Variants in LRRC72 observed in about 807,000 individuals in gnomAD.
LRRC72 encodes leucine-rich repeat-containing protein 72.
In LRRC72, 41 loss-of-function variants were observed where a neutral mutation model predicts 35.8. That is an observed-to-expected ratio of 1.15 (90% CI 0.89 to 1.49). The LOEUF (loss-of-function observed/expected upper bound fraction) is 1.49. LRRC72 is among the 40% of genes most tolerant of loss of function. The pLI is 0.00. For synonymous variants in LRRC72, 118 were observed against 119.2 expected (o/e 0.99, Z 0.07); for missense variants, 389 against 330.7 (o/e 1.18, Z -1.37).
At chr7:16,567,666 G>T in intron 7 of LRRC72, 123 bp downstream of exon 7, 2 of 835,888 alleles carry the variant, frequency 2.4e-6, no homozygotes, top group Non-Finnish European at 3.4e-6. Context: ...CTATGTAATG[G>T]AATAATTTCT....
chr7:16,566,047 G>C (rs1782832483), intron 5 of LRRC72, among the ~76,000 whole-genome samples: 1 of 152,120 alleles, frequency 6.6e-6, no homozygotes. Flanking sequence ...TTGCAGACTT[G>C]GGTCAATGAT....
At chr7:16,570,166 T>C (rs949104117) in intron 7 of LRRC72, among the ~76,000 whole-genome samples, 5 of 152,212 alleles carry the variant, frequency 3.3e-5, no homozygotes, top group Non-Finnish European at 5.9e-5. Flanking sequence ...GAGGATCTTA[T>C]CTGAATTGTT....
intron 5 of LRRC72, among the ~76,000 whole-genome samples, chr7:16,566,085 A>C (rs1313402241): frequency 6.6e-6 from 1 of 152,204 alleles, no homozygotes. Flanking sequence ...CACAGTTCCT[A>C]GTGGATAGTA....
intron 7 of LRRC72, among the ~76,000 whole-genome samples, chr7:16,572,603 C>A (rs1782967443): frequency 6.6e-6 from 1 of 152,098 alleles, no homozygotes; most frequent in South Asian, 2.1e-4. Flanking sequence ...AATTCAACAC[C>A]CCTTCATGCT....
At chr7:16,547,082 G>A (rs988990721) in intron 3 of LRRC72, among the ~76,000 whole-genome samples, 1 of 152,062 alleles carries the variant, frequency 6.6e-6, no homozygotes, top group Admixed American at 6.6e-5. Flanking sequence ...GGCAGGACCC[G>A]CTCCCAGGCC....
At chr7:16,548,280 C>T (rs993054898) in intron 3 of LRRC72, among the ~76,000 whole-genome samples, 7 of 152,126 alleles carry the variant, frequency 4.6e-5, no homozygotes, top group African/African-American at 1.7e-4. Context: ...GACAAGAACT[C>T]GAGACCTGCT....
chr7:16,543,995 T>C (rs1782403010), intron 3 of LRRC72, among the ~76,000 whole-genome samples: 1 of 152,238 alleles, frequency 6.6e-6, no homozygotes, highest in Non-Finnish European at 1.5e-5. Flanking sequence ...CCTATTTGGA[T>C]ATAGCTTATC....
chr7:16,555,146 A>G lies in LRRC72; in HGVS notation c.235-2214A>G, dbSNP rs1440613168. Among the ~76,000 whole-genome samples, 4 of 152,232 alleles carry G rather than the reference A, an allele frequency of 2.6e-5. No individual in the cohort carries two copies. In the East Asian group the frequency reaches 7.7e-4, roughly 29 times the overall value. ...GGGGAAACACGGCTTCTCTCATGAC[A>G]TAACAAAACATTTGGTGAAATTACT... On this transcript the variant is annotated intron_variant, in intron 3 of 8. Coordinates refer to ENST00000401542, the MANE Select transcript of LRRC72 (RefSeq NM_001195280.2).
At chr7:16,558,026 G>A (rs1782680233) in intron 4 of LRRC72, among the ~76,000 whole-genome samples, 1 of 152,108 alleles carries the variant, frequency 6.6e-6, no homozygotes, top group African/African-American at 2.4e-5. Flanking sequence ...TGCCAACGAG[G>A]CTACGACATG....
In LRRC72 at chr7:16,567,507, C is replaced by A. The variant is rs760203919; in HGVS notation, c.634C>A (p.Pro212Thr). ...KVDASWDPKS[P>T]FKQKPAQRVP... ...GGATGCTTCATGGGATCCTAAATCA[C>A]CATTTAAGCAAAAACCAGCCCAGAG... The change falls in exon 7 of 9, where the codon CCA (proline) becomes ACA (threonine). Residue 212 changes from proline (P) to threonine (T), a missense_variant. Coordinates refer to ENST00000401542, the MANE Select transcript of LRRC72 (RefSeq NM_001195280.2). The A allele has an allele frequency of 6.0e-6, 9 of 1,491,382 alleles. No individual in the cohort carries two copies. Among genetic ancestry groups the A allele is most frequent in the Non-Finnish European group, 7.2e-6 (8 of 1,117,898 alleles). The allele number at this position is 1,491,382 out of a possible 1,614,324, so 92.4% of individuals were successfully genotyped here.
chr7:16,562,983 G>A (rs1782768735), intron 5 of LRRC72, among the ~76,000 whole-genome samples: 1 of 152,182 alleles, frequency 6.6e-6, no homozygotes, highest in African/African-American at 2.4e-5. Context: ...ACAAGATGGT[G>A]ATTAACAATG....
rs529327110 is a variant in LRRC72 at position 16,578,170 on chromosome 7, G to A, written c.671-1904G>A. ...ATGTTAAATAGACTATGGCACATTT[G>A]TATAATACAAACTATTCCATTATAG... On this transcript the variant is annotated intron_variant, in intron 7 of 8. Coordinates refer to ENST00000401542, the MANE Select transcript of LRRC72 (RefSeq NM_001195280.2). Among the ~76,000 whole-genome samples, 34 of 152,282 alleles carry A rather than the reference G, an allele frequency of 2.2e-4. No homozygotes were observed. In the South Asian group the frequency reaches 2.3e-3, roughly 10 times the overall value.
rs1433478223 is a variant in LRRC72, at chr7:16,526,895, T to C, written c.-58T>C. 9.4e-6 allele frequency: 13 copies of C among 1,388,218 alleles called. No individual in the cohort carries two copies. The East Asian group carries it at 3.2e-4, about 35-fold the overall frequency. 86.0% of individuals were successfully genotyped at this position (1,388,218 alleles called of 1,614,324 possible). On this transcript the variant is annotated 5_prime_UTR_variant, in exon 1 of 9. Coordinates refer to ENST00000401542, the MANE Select transcript of LRRC72 (RefSeq NM_001195280.2). ...TGCACCAAGCCAAGTCTCTCTTCGG[T>C]GCCACCGGCGGGCGAGGCCGGATTA...
intron 7 of LRRC72, among the ~76,000 whole-genome samples, chr7:16,576,752 A>G (rs1325971960): frequency 6.6e-6 from 1 of 152,214 alleles, no homozygotes; most frequent in East Asian, 1.9e-4. Context: ...AATGTCCATT[A>G]GTGGTCCAAA....
chr7:16,532,964 A>T, intron 2 of LRRC72: 1 of 238,286 alleles, frequency 4.2e-6, no homozygotes, highest in Non-Finnish European at 8.4e-6. Flanking sequence ...TGGAAAATTC[A>T]CTGTTTCCGT....
At chr7:16,562,663 A>G (rs1782763704) in intron 5 of LRRC72, among the ~76,000 whole-genome samples, 1 of 152,306 alleles carries the variant, frequency 6.6e-6, no homozygotes, top group Middle Eastern at 3.4e-3. Flanking sequence ...TGCCCATGGC[A>G]AAAAGCCAGG....
At chr7:16,551,297 A>G (rs943716056) in intron 3 of LRRC72, among the ~76,000 whole-genome samples, 1 of 152,226 alleles carries the variant, frequency 6.6e-6, no homozygotes, top group Non-Finnish European at 1.5e-5. Context: ...TAACGGACAT[A>G]GTCCCTGTGA....
chr7:16,547,799 T>A (rs1246830226), intron 3 of LRRC72, among the ~76,000 whole-genome samples: 2 of 152,212 alleles, frequency 1.3e-5, no homozygotes, highest in Non-Finnish European at 2.9e-5. Context: ...AGCTCGGCAC[T>A]GGCCTGCAGG....
chr7:16,572,429 G>A (rs975959023), intron 7 of LRRC72, among the ~76,000 whole-genome samples: 4 of 152,124 alleles, frequency 2.6e-5, no homozygotes, highest in Non-Finnish European at 5.9e-5. Flanking sequence ...ACTGAATCCA[G>A]CAGCACATCA....
Sources: allele counts gnomAD v4.1 joint callset (sites outside exome capture counted in the v4.1 genomes callset), GRCh38; gene constraint gnomAD v4.1.1; transcripts MANE v1.5; gene names NCBI Gene and HGNC (gene_info 2026-07-23, HGNC 2026-07-21).